Variants in PLD1 observed in about 807,000 individuals in gnomAD.
The protein encoded by PLD1 is phospholipase D1, also known as choline phosphatase 1.
Under a neutral mutation model 137.1 loss-of-function variants are expected in PLD1, and 112 were observed. That is an observed-to-expected ratio of 0.82 (90% CI 0.70 to 0.96). The LOEUF is 0.96. Among genes scored for constraint, PLD1 ranks in the 40% least tolerant of loss-of-function variants. The probability of loss-of-function intolerance (pLI) is 0.00; values close to 1 mark genes in which losing one functional copy is unlikely to be tolerated. For missense variants in PLD1, 1,321 were observed against 1,342.0 expected (o/e 0.98, Z 0.24); for synonymous variants, 431 against 454.7 (o/e 0.95, Z 0.66).
At chr3:171,791,728 C>G (rs1360012733) in intron 1 of PLD1, 2 of 152,164 alleles carry the variant, frequency 1.3e-5, no homozygotes, top group African/African-American at 4.8e-5. Context: ...CAGATGTCTT[C>G]CTCACCTGGG....
At chr3:171,806,084 G>C (rs1295546389) in intron 1 of PLD1, among the ~76,000 whole-genome samples, 1 of 152,150 alleles carries the variant, frequency 6.6e-6, no homozygotes, top group Non-Finnish European at 1.5e-5. Flanking sequence ...TACTTTACAG[G>C]GTTGTTCTGA....
chr3:171,651,342 G>A (rs895916138), intron 21 of PLD1, among the ~76,000 whole-genome samples: 10 of 131,140 alleles, frequency 7.6e-5, no homozygotes, highest in African/African-American at 2.9e-4. Context: ...GTGTGTGTGT[G>A]TGTGTGTAAA....
intron 21 of PLD1, among the ~76,000 whole-genome samples, chr3:171,652,548 C>T (rs1736870144): frequency 6.6e-6 from 1 of 151,780 alleles, no homozygotes; most frequent in Non-Finnish European, 1.5e-5. Context: ...TTTCTTTAAA[C>T]CCAAGAACTT....
chr3:171,677,690 G>A lies in PLD1; in HGVS notation c.1872C>T (p.Thr624=), dbSNP rs755684714. The change falls in exon 17 of 27, where the codon ACC becomes ACT. Residue 624 remains threonine (T), a synonymous_variant. Coordinates refer to ENST00000351298, the MANE Select transcript of PLD1 (RefSeq NM_002662.5). ...EQGLTRPHAD[T]GSIRSLQTGV... is the part of the protein sequence containing the mutation. Reference sequence around the variant, plus strand: ...CTGTCTGTAAACTACGGATGGACCCGGTATCTGTGAATGCAGCAAGACCCC... The same window carrying A: ...CTGTCTGTAAACTACGGATGGACCCAGTATCTGTGAATGCAGCAAGACCCC... The A allele has an allele frequency of 6.2e-6, 10 of 1,613,610 alleles. No individual in the cohort carries two copies. Among genetic ancestry groups the A allele is most frequent in the East Asian group, 2.2e-5 (1 of 44,858 alleles).
intron 11 of PLD1, among the ~76,000 whole-genome samples, chr3:171,703,786 T>C (rs186761619): frequency 6.6e-6 from 1 of 152,296 alleles, no homozygotes; most frequent in East Asian, 1.9e-4. Context: ...GAAACAGGCA[T>C]TGGCACAGAG....
intron 12 of PLD1, among the ~76,000 whole-genome samples, chr3:171,699,187 T>C (rs1716031034): frequency 6.6e-6 from 1 of 152,132 alleles, no homozygotes; most frequent in African/African-American, 2.4e-5. Context: ...TTTTTATACC[T>C]AAAAAGCACA....
intron 23 of PLD1, among the ~76,000 whole-genome samples, chr3:171,626,736 C>T (rs929780394): frequency 2.0e-5 from 3 of 150,268 alleles, no homozygotes; most frequent in East Asian, 3.9e-4. Context: ...CCCAGAATTT[C>T]ATATCCAGCC....
chr3:171,677,739 GT>G lies in PLD1; in HGVS notation c.1868-46del, dbSNP rs768760294. The G allele has an allele frequency of 1.9e-6, 3 of 1,584,466 alleles. No homozygotes were observed. In the Admixed American group the frequency reaches 5.6e-5, roughly 30 times the overall value. On this transcript the variant is annotated intron_variant, in intron 16 of 26. Transcript: ENST00000351298. ...CCCTCAGAGACTGTGGTTCAGGTGA[GT>G]CCCAGAAAGGGAGGCTCAACTCTCA...
At chr3:171,711,280 C>A (rs1355519962) in intron 9 of PLD1, among the ~76,000 whole-genome samples, 3 of 150,242 alleles carry the variant, frequency 2.0e-5, no homozygotes, top group African/African-American at 4.9e-5. Flanking sequence ...AAGCGATTCT[C>A]CTGCCTCAGC....
intron 1 of PLD1, chr3:171,792,620 C>T (rs1395992322): frequency 4.4e-6 from 2 of 456,678 alleles, no homozygotes; most frequent in South Asian, 3.1e-5. Context: ...CAAGTAGCTG[C>T]AGGAAGAAGT....
chr3:171,716,511 A>T (rs1717695910), intron 8 of PLD1, among the ~76,000 whole-genome samples: 1 of 152,088 alleles, frequency 6.6e-6, no homozygotes, highest in African/African-American at 2.4e-5. Flanking sequence ...GCATTTTTTC[A>T]AATGTTTCTT....
intron 1 of PLD1, among the ~76,000 whole-genome samples, chr3:171,748,009 A>T (rs1274435674): frequency 1.3e-5 from 2 of 152,240 alleles, no homozygotes; most frequent in African/African-American, 4.8e-5. Context: ...TTAAAATTTT[A>T]AAAACTCCTC....
intron 12 of PLD1, among the ~76,000 whole-genome samples, chr3:171,697,619 G>A (rs1029793056): frequency 3.2e-4 from 49 of 152,248 alleles, no homozygotes; most frequent in African/African-American, 1.2e-3. Context: ...ACACTCAGAT[G>A]TGATGAACCA....
intron 1 of PLD1, among the ~76,000 whole-genome samples, chr3:171,772,532 A>C (rs1722414466): frequency 6.6e-6 from 1 of 152,182 alleles, no homozygotes; most frequent in South Asian, 2.1e-4. Context: ...GCTCAAGAGG[A>C]TCTCATGGGG....
chr3:171,616,195 C>A (rs1263111340), intron 24 of PLD1, among the ~76,000 whole-genome samples: 1 of 151,956 alleles, frequency 6.6e-6, no homozygotes, highest in Non-Finnish European at 1.5e-5. Context: ...TATAGGAGTT[C>A]TTTATGTGTT....
intron 25 of PLD1, chr3:171,611,468 G>A (rs930909102): frequency 7.4e-6 from 3 of 403,280 alleles, no homozygotes; most frequent in Non-Finnish European, 9.9e-6. Context: ...CGCAGCCCTT[G>A]AAAGTTCTAA....
chr3:171,621,665 TGA>T, intron 23 of PLD1, among the ~76,000 whole-genome samples: 2 of 152,206 alleles, frequency 1.3e-5, no homozygotes. Context: ...CTGTGTTTGA[TGA>T]GAGTTGAAAT....
At chr3:171,623,312 ACTT>A (rs1733795353) in intron 23 of PLD1, among the ~76,000 whole-genome samples, 6 of 138,972 alleles carry the variant, frequency 4.3e-5, no homozygotes, top group Non-Finnish European at 4.6e-5. Flanking sequence ...GCCCTATCAG[ACTT>A]TTTTTTTTTT....
chr3:171,632,773 C>T (rs1266249958), intron 23 of PLD1, among the ~76,000 whole-genome samples: 1 of 152,172 alleles, frequency 6.6e-6, no homozygotes, highest in African/African-American at 2.4e-5. Flanking sequence ...ATTAATGATA[C>T]TGACTAGCTT....
Sources: gnomAD v4.1 joint callset for allele counts (sites outside exome capture counted in the v4.1 genomes callset) on GRCh38, gnomAD v4.1.1 for gene constraint, MANE v1.5 for transcripts, NCBI Gene and HGNC (gene_info 2026-07-23, HGNC 2026-07-21) for gene names.